PTPRZ1: variants seen among roughly 807,000 people sequenced by gnomAD.
PTPRZ1 encodes protein tyrosine phosphatase receptor type Z1.
In PTPRZ1, 82 loss-of-function variants were observed where a neutral mutation model predicts 214.1. That is an observed-to-expected ratio of 0.38 (90% CI 0.32 to 0.46). PTPRZ1 has a LOEUF of 0.46. PTPRZ1 is among the 20% of genes least tolerant of loss of function. PTPRZ1 has a pLI of 1.00. For synonymous variants in PTPRZ1, 945 were observed against 987.9 expected (o/e 0.96, Z 0.81); for missense variants, 2,603 against 2,748.7 (o/e 0.95, Z 1.19).
chr7:121,905,775 T>A (rs1292363453), intron 1 of PTPRZ1, among the ~76,000 whole-genome samples: 1 of 152,092 alleles, frequency 6.6e-6, no homozygotes, highest in East Asian at 1.9e-4. Context: ...ATCTTTTCTG[T>A]ATGGTTGGGC....
intron 11 of PTPRZ1, among the ~76,000 whole-genome samples, chr7:122,005,202 T>C (rs1798449560): frequency 6.6e-6 from 1 of 152,022 alleles, no homozygotes. Flanking sequence ...GAGTAGTCTA[T>C]ACTTTTTAAA....
chr7:121,904,834 C>T (rs1260341700), intron 1 of PTPRZ1, among the ~76,000 whole-genome samples: 1 of 152,108 alleles, frequency 6.6e-6, no homozygotes, highest in African/African-American at 2.4e-5. Context: ...GTCAGCTCTA[C>T]TTTAATAAAT....
Position 121,983,748 on chromosome 7 carries a change from T to A in PTPRZ1, c.703T>A (p.Leu235Met). 6.2e-7 allele frequency: 1 copy of A among 1,613,786 alleles called. No homozygotes were observed. Residue 235 changes from leucine (L) to methionine (M), a missense_variant, in exon 7 of 30, where the codon TTG becomes ATG. Around this residue, in one of 6 missense-constraint regions of PTPRZ1, gnomAD observed 244 missense variants for 333.2 expected, o/e 0.73. Transcript: ENST00000393386. ...CAAGTATTACATTTACAATGGCTCATTGACATCTCCTCCCTGCACAGACAC... is the reference window on the plus strand; with the variant it reads ...CAAGTATTACATTTACAATGGCTCAATGACATCTCCTCCCTGCACAGACAC... ...TDKYYIYNGS[L>M]TSPPCTDTVD...
intron 3 of PTPRZ1, among the ~76,000 whole-genome samples, chr7:121,970,239 G>A (rs1797196181): frequency 1.3e-5 from 2 of 152,036 alleles, no homozygotes; most frequent in Admixed American, 1.3e-4. Flanking sequence ...CTTTGCTATT[G>A]TGAGTAGTGC....
At chr7:122,018,081 G>C (rs985132259) in intron 12 of PTPRZ1, among the ~76,000 whole-genome samples, 1 of 152,128 alleles carries the variant, frequency 6.6e-6, no homozygotes, top group South Asian at 2.1e-4. Flanking sequence ...TTAAGCATCA[G>C]AAGTGCCAAG....
chr7:121,952,771 G>A (rs1796595964), intron 2 of PTPRZ1, among the ~76,000 whole-genome samples: 1 of 152,108 alleles, frequency 6.6e-6, no homozygotes, highest in Non-Finnish European at 1.5e-5. Context: ...AAGAGCAGAG[G>A]CACATGCTAA....
intron 6 of PTPRZ1, among the ~76,000 whole-genome samples, chr7:121,978,690 A>G (rs1797514870): frequency 6.6e-6 from 1 of 152,164 alleles, no homozygotes. Context: ...AGGGACACAG[A>G]GCTAAACCAT....
rs998888278 is a variant in PTPRZ1, at chr7:121,883,868, C to G, written c.58+10311C>G. On this transcript the variant is annotated intron_variant, in intron 1 of 29. Transcript: ENST00000393386. The stretch of plus-strand genomic sequence containing the variant: ...CTCTAACTCCCAACCTCAGGTGGTC[C>G]ACCCTCCTCGGCCTCCCAAAGTGCT... Among the ~76,000 whole-genome samples the G allele has an allele frequency of 3.3e-5, 5 of 152,246 alleles. No homozygotes were observed. In the East Asian group the frequency reaches 9.7e-4, roughly 29 times the overall value.
At chr7:121,884,975 T>C (rs1367692392) in intron 1 of PTPRZ1, among the ~76,000 whole-genome samples, 3 of 152,226 alleles carry the variant, frequency 2.0e-5, no homozygotes, top group African/African-American at 7.2e-5. Context: ...CCGTCATTTT[T>C]ACTACATTCA....
rs368330547 is a variant in PTPRZ1, at chr7:122,011,252, G to A, written c.2206G>A (p.Asp736Asn). 32 of 1,613,970 alleles carry A rather than the reference G, an allele frequency of 2.0e-5. No individual in the cohort carries two copies. The highest frequency in any genetic ancestry group is 2.4e-5 in the Non-Finnish European group (28 of 1,179,956). The change falls in exon 12 of 30, where the codon GAT becomes AAT. Residue 736 changes from aspartate (D) to asparagine (N), a missense_variant. This residue lies in a region of PTPRZ1 where 1,913 missense variants were observed against 1,914.3 expected (regional missense o/e 1.00). Transcript: ENST00000393386. The stretch of plus-strand genomic sequence containing the variant: ...TTTTACCCCATCCTCCAGACAACAG[G>A]ATTTGGTCTCCACGGTCAACGTGGT... ...HAFTPSSRQQ[D>N]LVSTVNVVYS...
intron 1 of PTPRZ1, chr7:121,908,805 G>T (rs1563012298): frequency 2.0e-6 from 1 of 490,390 alleles, no homozygotes; most frequent in Admixed American, 2.2e-5. Flanking sequence ...GGATAAATGT[G>T]AGATACTCTT....
At chr7:121,936,176 C>CAAGGAG (rs1429820927) in intron 2 of PTPRZ1, among the ~76,000 whole-genome samples, 1 of 151,960 alleles carries the variant, frequency 6.6e-6, no homozygotes, top group Admixed American at 6.6e-5. Flanking sequence ...CAAGAATTTT[C>CAAGGAG]AAGGAGCAAA....
At chr7:121,998,175 T>G (rs1413469086) in intron 10 of PTPRZ1, among the ~76,000 whole-genome samples, 169 bp downstream of exon 10, 2 of 152,190 alleles carry the variant, frequency 1.3e-5, no homozygotes, top group East Asian at 3.8e-4. Flanking sequence ...CATTTCTCAT[T>G]CAGCAGGTCT....
rs1295071622 is a variant in PTPRZ1 at position 121,976,718 on chromosome 7, CA to C, written c.553-66del. 2.5e-5 allele frequency: 31 copies of C among 1,244,480 alleles called. No homozygotes were observed. The African/African-American group carries it at 4.0e-4, about 16-fold the overall frequency. The allele number at this position is 1,244,480 out of a possible 1,614,324, so 77.1% of individuals were successfully genotyped here. On this transcript the variant is annotated intron_variant, in intron 5 of 29. Transcript: ENST00000393386. ...ATTTAAAATGGAATTCATTAATCTTCACATTTTTATTGAATAGTTATCCAAA... is the reference window on the plus strand; with the variant it reads ...ATTTAAAATGGAATTCATTAATCTTCCATTTTTATTGAATAGTTATCCAAA...
intron 2 of PTPRZ1, 68 bp from the exon 3 acceptor site, chr7:121,967,883 A>G (rs1797090809): frequency 8.6e-7 from 1 of 1,162,528 alleles, no homozygotes. Context: ...TGTATTAACT[A>G]TAATGTAAAG....
intron 13 of PTPRZ1, among the ~76,000 whole-genome samples, chr7:122,024,447 T>C (rs904857243): frequency 1.1e-4 from 17 of 152,068 alleles, no homozygotes; most frequent in African/African-American, 4.1e-4. Flanking sequence ...TTGTGGATCA[T>C]TGAAGATGTC....
At chr7:121,905,488 T>C (rs1795088375) in intron 1 of PTPRZ1, among the ~76,000 whole-genome samples, 1 of 152,134 alleles carries the variant, frequency 6.6e-6, no homozygotes, top group African/African-American at 2.4e-5. Context: ...AATTGGAGCA[T>C]GAGCATGAGA....
At chr7:121,946,285 G>A (rs1796372456) in intron 2 of PTPRZ1, among the ~76,000 whole-genome samples, 1 of 152,092 alleles carries the variant, frequency 6.6e-6, no homozygotes, top group African/African-American at 2.4e-5. Flanking sequence ...TCCTGTATGT[G>A]GTAATAACCA....
intron 10 of PTPRZ1, among the ~76,000 whole-genome samples, chr7:122,000,765 C>T (rs1389913826): frequency 6.9e-6 from 1 of 145,578 alleles, no homozygotes; most frequent in African/African-American, 2.5e-5. Context: ...TGGCCTGCTG[C>T]ACCCTCCACC....
Sources: gnomAD v4.1 joint callset for allele counts (sites outside exome capture counted in the v4.1 genomes callset) on GRCh38, gnomAD v4.1.1 for gene constraint, gnomAD v4.1.1 regional missense constraint, MANE v1.5 for transcripts, NCBI Gene and HGNC (gene_info 2026-07-23, HGNC 2026-07-21) for gene names.